The following ADCK1 variants were observed in gnomAD, a reference collection of about 807,000 sequenced individuals.
ADCK1 encodes the protein aarF domain-containing protein kinase 1.
Under a neutral mutation model 52.3 loss-of-function variants are expected in ADCK1, and 41 were observed. That is an observed-to-expected ratio of 0.78 (90% CI 0.61 to 1.02). The LOEUF (loss-of-function observed/expected upper bound fraction) is 1.02. Ranked by LOEUF, ADCK1 falls within the 50% of genes least tolerant of loss-of-function variation. The pLI is 0.00. For missense variants in ADCK1, 658 were observed against 679.5 expected (o/e 0.97, Z 0.35); for synonymous variants, 250 against 274.6 (o/e 0.91, Z 0.89).
At chr14:77,907,697 G>C (rs774793748) in intron 6 of ADCK1, 106 bp from the exon 7 acceptor site, 65 of 796,432 alleles carry the variant, frequency 8.2e-5, no homozygotes, top group Non-Finnish European at 1.1e-4. Flanking sequence ...CTTCTCCCTT[G>C]CTCTGGGAGG....
In ADCK1 at chr14:77,822,298, C is replaced by CCA. The variant is rs1470374018; in HGVS notation, c.136-136_136-135dup. The stretch of plus-strand genomic sequence containing the variant: ...AGCTAGCTAGAATAAGATCCAGGGG[C>CCA]CAGGCATCTTAGGGGTGGGACTGGC... On this transcript the variant is annotated intron_variant, in intron 2 of 10. Coordinates refer to ENST00000238561, the MANE Select transcript of ADCK1 (RefSeq NM_020421.4). The CCA allele has an allele frequency of 8.9e-6, 6 of 674,836 alleles. No individual in the cohort carries two copies. In the African/African-American group the frequency reaches 8.9e-5, roughly 10 times the overall value. The allele number at this position is 674,836 out of a possible 1,614,324, so 41.8% of individuals were successfully genotyped here. A position where few individuals can be genotyped will look rare whatever the true frequency, so the allele number is the denominator to read the frequency against.
intron 1 of ADCK1, among the ~76,000 whole-genome samples, chr14:77,815,878 C>T (rs1410120564): frequency 7.2e-6 from 1 of 139,450 alleles, no homozygotes; most frequent in Admixed American, 7.6e-5. Context: ...TGCAGTGGTG[C>T]GATCTCAGCT....
chr14:77,854,822 G>A (rs1388511991), intron 3 of ADCK1, among the ~76,000 whole-genome samples: 7 of 152,170 alleles, frequency 4.6e-5, no homozygotes, highest in Admixed American at 1.3e-4. Flanking sequence ...GCTCCCCAAA[G>A]TGCTGGGATT....
intron 4 of ADCK1, among the ~76,000 whole-genome samples, chr14:77,882,391 C>T (rs2083047197): frequency 6.6e-6 from 1 of 152,240 alleles, no homozygotes; most frequent in Non-Finnish European, 1.5e-5. Flanking sequence ...CCTGGGCTTG[C>T]CTGCTTTGAG....
In ADCK1 at chr14:77,931,710, G is replaced by C. The variant is rs1187865134; in HGVS notation, c.1399G>C (p.Glu467Gln). 1.2e-6 allele frequency: 2 copies of C among 1,601,384 alleles called. No homozygotes were observed. Among genetic ancestry groups the C allele is most frequent in the South Asian group, 2.2e-5 (2 of 91,020 alleles). Reference protein sequence around the residue: ...MSRCCIRALAEHKKKNTCSFF... With the variant: ...MSRCCIRALAQHKKKNTCSFF... Reference sequence around the variant, plus strand: ...ACGTTGCTGCATCAGAGCGCTAGCTGAGTGAGTGTGGGCTCCTCCCTCTCC... The same window carrying C: ...ACGTTGCTGCATCAGAGCGCTAGCTCAGTGAGTGTGGGCTCCTCCCTCTCC... Residue 467 changes from glutamate (E) to glutamine (Q), a missense_variant and splice_region_variant, in exon 10 of 11, where the codon GAG (glutamate) becomes CAG (glutamine). By Grantham distance (29) the Glu-to-Gln change is conservative. Transcript: ENST00000238561.
chr14:77,906,775 C>T (rs1454224245), intron 6 of ADCK1, among the ~76,000 whole-genome samples: 1 of 152,146 alleles, frequency 6.6e-6, no homozygotes, highest in Non-Finnish European at 1.5e-5. Flanking sequence ...AAGAGTAGCA[C>T]TATGCAAATA....
intron 5 of ADCK1, among the ~76,000 whole-genome samples, chr14:77,897,285 G>A (rs1265326454): frequency 6.6e-6 from 1 of 152,196 alleles, no homozygotes; most frequent in African/African-American, 2.4e-5. Flanking sequence ...GAGAGCTTAT[G>A]GGAGGTCAGG....
At chr14:77,810,037 CAAAAA>C (rs558244331) in intron 1 of ADCK1, among the ~76,000 whole-genome samples, 6,910 of 107,832 alleles carry the variant, frequency 0.064, 366 homozygotes, top group African/African-American at 0.19. Context: ...GACTCTGTCT[CAAAAA>C]AAAAAAAAAA....
At chr14:77,834,100 T>G (rs1167827729) in intron 3 of ADCK1, among the ~76,000 whole-genome samples, 1 of 152,232 alleles carries the variant, frequency 6.6e-6, no homozygotes, top group Non-Finnish European at 1.5e-5. Context: ...AATTAAGCAG[T>G]ATTTTCAATT....
intron 3 of ADCK1, among the ~76,000 whole-genome samples, chr14:77,826,324 T>C (rs2081705239): frequency 6.6e-6 from 1 of 152,224 alleles, no homozygotes; most frequent in African/African-American, 2.4e-5. Context: ...TTATCTCAAC[T>C]GTCAAGCCAG....
At chr14:77,909,182 C>G (rs2083736750) in intron 7 of ADCK1, among the ~76,000 whole-genome samples, 1 of 135,276 alleles carries the variant, frequency 7.4e-6, no homozygotes, top group African/African-American at 2.9e-5. Context: ...GTTGCCTAGG[C>G]TGGAGTGCAA....
At chr14:77,801,139 G>C (rs1442359803) in intron 1 of ADCK1, among the ~76,000 whole-genome samples, 2 of 152,152 alleles carry the variant, frequency 1.3e-5, no homozygotes, top group East Asian at 1.9e-4. Flanking sequence ...GCATGCACCA[G>C]AGTCACCTGG....
chr14:77,858,529 C>T (rs566813220), intron 3 of ADCK1, among the ~76,000 whole-genome samples: 20 of 152,246 alleles, frequency 1.3e-4, no homozygotes, highest in South Asian at 8.3e-4. Context: ...CGTGAGCCAC[C>T]GCGCCTGGCC....
At chr14:77,876,762 T>C (rs1028585605) in intron 4 of ADCK1, among the ~76,000 whole-genome samples, 3 of 152,232 alleles carry the variant, frequency 2.0e-5, no homozygotes, top group Non-Finnish European at 4.4e-5. Flanking sequence ...TAGAGTTATG[T>C]TGACTGCCAC....
intron 4 of ADCK1, among the ~76,000 whole-genome samples, chr14:77,879,449 G>T (rs2082971766): frequency 6.6e-6 from 1 of 152,184 alleles, no homozygotes. Flanking sequence ...TGGGGGAAGG[G>T]AGCCTTTTGG....
intron 1 of ADCK1, among the ~76,000 whole-genome samples, chr14:77,805,977 A>G (rs1282685370): frequency 7.8e-6 from 1 of 128,892 alleles, no homozygotes; most frequent in Non-Finnish European, 1.6e-5. Context: ...CCATAATCCT[A>G]TTCTTACGGC....
At chr14:77,873,641 G>C (rs1033003548) in intron 4 of ADCK1, among the ~76,000 whole-genome samples, 16 of 152,146 alleles carry the variant, frequency 1.1e-4, no homozygotes, top group Admixed American at 1.0e-3. Context: ...TTGAATTGTA[G>C]CTCCCTCATC....
chr14:77,899,038 G>A lies in ADCK1; in HGVS notation c.583-62G>A, dbSNP rs2083471996. The A allele has an allele frequency of 3.8e-6, 6 of 1,598,000 alleles. No homozygotes were observed. In the Admixed American group the frequency reaches 5.0e-5, roughly 13 times the overall value. ...CTCTAGGGGAGAACCAGGCAGGAAG[G>A]TAGGGAATGTCCCTTGGTATATGCT... is the stretch of plus-strand genomic sequence containing the variant. On this transcript the variant is annotated intron_variant, in intron 5 of 10. Coordinates refer to ENST00000238561, the MANE Select transcript of ADCK1 (RefSeq NM_020421.4).
chr14:77,877,266 G>A lies in ADCK1; in HGVS notation c.424-9825G>A, dbSNP rs757192006. Among the ~76,000 whole-genome samples the A allele has an allele frequency of 7.9e-5, 12 of 152,302 alleles. No individual in the cohort carries two copies. The South Asian group carries it at 1.0e-3, about 13-fold the overall frequency. On this transcript the variant is annotated intron_variant, in intron 4 of 10. Transcript: ENST00000238561. ...TTGGTATTTACTTGCTTTTGGCTCC[G>A]AGGCAAGCATCATAGCTTAGGCACA...
Sources: gnomAD v4.1 joint callset for allele counts (sites outside exome capture counted in the v4.1 genomes callset) on GRCh38, gnomAD v4.1.1 for gene constraint, MANE v1.5 for transcripts, NCBI Gene and HGNC (gene_info 2026-07-23, HGNC 2026-07-21) for gene names.